ZNF469: variants seen among roughly 807,000 people sequenced by gnomAD.
The protein encoded by ZNF469 is zinc finger protein 469.
Under a neutral mutation model 1.0 loss-of-function variants are expected in ZNF469, and 1 was observed. The ratio of observed to expected loss-of-function variants is 1.00; its 90% CI spans 0.35 to 4.73. The LOEUF is 4.73. Ranked by LOEUF, ZNF469 falls within the 30% of genes most tolerant of loss-of-function variation. The pLI is 0.16. For synonymous variants in ZNF469, 2,703 were observed against 2,363.4 expected (o/e 1.14, Z -4.17); for missense variants, 6,100 against 5,356.3 (o/e 1.14, Z -4.33).
In ZNF469 at chr16:88,438,229, C is replaced by T; in HGVS notation, c.10759C>T (p.Pro3587Ser). The T allele has an allele frequency of 6.5e-7, 1 of 1,547,522 alleles. No individual in the cohort carries two copies. The highest frequency in any genetic ancestry group is 1.2e-5 in the South Asian group (1 of 83,944). Residue 3587 changes from proline (P) to serine (S), a missense_variant, in exon 3 of 3, where the codon CCC becomes TCC. Coordinates refer to ENST00000565624, the MANE Select transcript of ZNF469 (RefSeq NM_001367624.2). ...RPENEASPGS[P>S]GPLLQQALPL... is the part of the protein sequence containing the mutation. ...AGAGAACGAGGCTTCCCCAGGCAGC[C>T]CCGGGCCTCTTCTCCAGCAAGCTCT...
chr16:88,386,516 C>G (rs1198730210), intron 1 of ZNF469, among the ~76,000 whole-genome samples: 1 of 152,164 alleles, frequency 6.6e-6, no homozygotes, highest in Non-Finnish European at 1.5e-5. Context: ...TCCCATCTAC[C>G]CTGCAAGGCC....
chr16:88,119,223 C>T, the ZNF469 span, among the ~76,000 whole-genome samples: 2 of 152,192 alleles, frequency 1.3e-5, no homozygotes, highest in East Asian at 1.9e-4. Flanking sequence ...GGCGGTCTCA[C>T]GGTTAGCTCT....
At chr16:88,365,291 G>C in the ZNF469 span, among the ~76,000 whole-genome samples, 1 of 152,192 alleles carries the variant, frequency 6.6e-6, no homozygotes, top group African/African-American at 2.4e-5. Context: ...TGCTCTACTT[G>C]TCTTCTGGGG....
chr16:88,432,310 G>T lies in ZNF469; in HGVS notation c.4840G>T (p.Ala1614Ser), dbSNP rs1433916801. Reference protein sequence around the residue: ...EPPSQRRTCQATVPHEDTFSA... With the variant: ...EPPSQRRTCQSTVPHEDTFSA... The stretch of plus-strand genomic sequence containing the variant: ...ACCCTCCCAACGGCGCACCTGCCAG[G>T]CCACCGTGCCCCACGAGGACACGTT... Residue 1614 changes from alanine (A) to serine (S), a missense_variant, in exon 3 of 3, where the codon GCC (alanine) becomes TCC (serine). Transcript: ENST00000565624. The T allele has an allele frequency of 6.5e-7, 1 of 1,547,466 alleles. No individual in the cohort carries two copies.
the ZNF469 span, chr16:88,192,006 G>A: frequency 6.6e-6 from 1 of 152,198 alleles, no homozygotes; most frequent in Non-Finnish European, 1.5e-5. Context: ...CCATGAAGGT[G>A]GGACCCCATG....
rs1597215437 is a variant in ZNF469 at position 88,438,927 on chromosome 16, G to C, written c.11457G>C (p.Lys3819Asn). 1 of 1,550,574 alleles carries C rather than the reference G, an allele frequency of 6.4e-7. No individual in the cohort carries two copies. The highest frequency in any genetic ancestry group is 8.7e-7 in the Non-Finnish European group (1 of 1,146,992). Reference sequence around the variant, plus strand: ...GAGAGAGCAGTACGAAGAGGAAAAAGGGCCAGGTCCCAGGGCCAGCCAGGA... The same window carrying C: ...GAGAGAGCAGTACGAAGAGGAAAAACGGCCAGGTCCCAGGGCCAGCCAGGA... Reference protein sequence around the residue: ...EKGESSTKRKKGQVPGPARSE... With the variant: ...EKGESSTKRKNGQVPGPARSE... The change falls in exon 3 of 3, where the codon AAG becomes AAC. Residue 3819 changes from lysine to asparagine, a missense_variant. Coordinates refer to ENST00000565624, the MANE Select transcript of ZNF469 (RefSeq NM_001367624.2).
upstream of ZNF469, among the ~76,000 whole-genome samples, chr16:88,380,138 C>G (rs1201932994): frequency 1.1e-5 from 1 of 88,638 alleles, no homozygotes; most frequent in Non-Finnish European, 2.0e-5. Context: ...CACACAGACA[C>G]ACACTCACAC....
chr16:88,278,725 C>A, the ZNF469 span, among the ~76,000 whole-genome samples: 1 of 135,142 alleles, frequency 7.4e-6, no homozygotes, highest in Non-Finnish European at 1.7e-5. Flanking sequence ...TCAGTCAGTA[C>A]CACGTAGATA....
At chr16:88,419,538 G>A (rs932245799) in intron 1 of ZNF469, among the ~76,000 whole-genome samples, 3 of 152,156 alleles carry the variant, frequency 2.0e-5, no homozygotes, top group Middle Eastern at 3.2e-3. Flanking sequence ...TGGCCCTTGT[G>A]TGGTGTCCAG....
the ZNF469 span, among the ~76,000 whole-genome samples, chr16:88,294,348 A>ACTTC: frequency 1.3e-5 from 2 of 152,010 alleles, no homozygotes; most frequent in Non-Finnish European, 1.5e-5. Context: ...CTCCTTCCTT[A>ACTTC]CTTCCTTCCA....
the ZNF469 span, among the ~76,000 whole-genome samples, chr16:88,185,499 A>G: frequency 2.0e-5 from 3 of 147,516 alleles, no homozygotes; most frequent in Admixed American, 2.1e-4. Flanking sequence ...TGACTATAAT[A>G]CATGCACACA....
At position 88,430,429 on chromosome 16, in the gene ZNF469, G is replaced by A. The variant is rs1415674956; in HGVS notation, c.2959G>A (p.Gly987Arg). The change falls in exon 3 of 3, where the codon GGG becomes AGG. Residue 987 changes from glycine to arginine, a missense_variant. Gly to Arg is a moderately radical substitution (Grantham distance 125, BLOSUM62 -2). Transcript: ENST00000565624. ...GLRPRRNDGL[G>R]ERPPPRPRRP... ...GAGGCCCCGGAGGAACGACGGTCTC[G>A]GGGAGCGGCCCCCACCCCGTCCCCG... is the stretch of plus-strand genomic sequence containing the variant. 6.6e-7 allele frequency: 1 copy of A among 1,518,422 alleles called. No individual in the cohort carries two copies. The highest frequency in any genetic ancestry group is 8.8e-7 in the Non-Finnish European group (1 of 1,137,664). The allele number at this position is 1,518,422 out of a possible 1,614,324, so 94.1% of individuals were successfully genotyped here.
the ZNF469 span, among the ~76,000 whole-genome samples, chr16:88,315,113 T>C: frequency 2.0e-5 from 3 of 152,254 alleles, no homozygotes; most frequent in Non-Finnish European, 4.4e-5. Flanking sequence ...ATGATTTTCC[T>C]CTCTGACCCT....
In ZNF469 at chr16:88,434,002, G is replaced by A. The variant is rs1241751966; in HGVS notation, c.6532G>A (p.Ala2178Thr). ...CSPAWAPLEE[A>T]DGVQATTDTG... is the part of the protein sequence containing the mutation. ...TCCTGCCTGGGCACCTCTGGAAGAG[G>A]CAGATGGCGTCCAAGCCACGACAGA... Residue 2178 changes from alanine (A) to threonine (T), a missense_variant, in exon 3 of 3, where the codon GCA (alanine) becomes ACA (threonine). Transcript: ENST00000565624. 1.9e-6 allele frequency: 3 copies of A among 1,550,168 alleles called. No homozygotes were observed. Among genetic ancestry groups the A allele is most frequent in the East Asian group, 2.4e-5 (1 of 40,932 alleles).
chr16:88,168,922 C>CCG, the ZNF469 span, among the ~76,000 whole-genome samples: 1 of 142,970 alleles, frequency 7.0e-6, no homozygotes, highest in South Asian at 2.6e-4. The surrounding 1 kb of genome is among the most constrained non-coding windows in gnomAD (Gnocchi z 4.3). Flanking sequence ...ATAGTGAGAC[C>CCG]CCCCCCTCTA....
the ZNF469 span, among the ~76,000 whole-genome samples, chr16:88,171,132 G>A: frequency 2.6e-5 from 4 of 152,234 alleles, no homozygotes; most frequent in African/African-American, 9.7e-5. Context: ...TAGGCATTTA[G>A]CAAGGTAGGC....
chr16:88,159,116 TGTG>T, the ZNF469 span, among the ~76,000 whole-genome samples: 2 of 120,102 alleles, frequency 1.7e-5, no homozygotes, highest in Admixed American at 1.6e-4. Flanking sequence ...CTCACAGGGC[TGTG>T]CAGACCATTC....
chr16:88,258,499 G>A, the ZNF469 span, among the ~76,000 whole-genome samples: 1 of 151,074 alleles, frequency 6.6e-6, no homozygotes, highest in African/African-American at 2.4e-5. Context: ...GCTAAAGGAG[G>A]CCCAGCACAA....
At chr16:88,156,598 C>A in the ZNF469 span, among the ~76,000 whole-genome samples, 1 of 152,320 alleles carries the variant, frequency 6.6e-6, no homozygotes, top group South Asian at 2.1e-4. Flanking sequence ...AAAATTAATA[C>A]CTGCATCATA....
Sources: allele counts gnomAD v4.1 joint callset (sites outside exome capture counted in the v4.1 genomes callset), GRCh38; gene constraint gnomAD v4.1.1; non-coding constraint Gnocchi (gnomAD v3.1); transcripts MANE v1.5; gene names NCBI Gene and HGNC (gene_info 2026-07-23, HGNC 2026-07-21).